DCK: variants seen among roughly 807,000 people sequenced by gnomAD.
The protein encoded by DCK is deoxycytidine kinase, also known as deoxyadenosine kinase.
DCK carries 23 observed loss-of-function variants against 38.3 expected under a neutral mutation model. That is an observed-to-expected ratio of 0.60 (90% CI 0.43 to 0.85). DCK has a LOEUF of 0.85. Among genes scored for constraint, DCK ranks in the 40% least tolerant of loss-of-function variants. The pLI, the probability that DCK is intolerant of heterozygous loss-of-function variation, is 0.00. For missense variants in DCK, 259 were observed against 304.4 expected (o/e 0.85, Z 1.11); for synonymous variants, 108 against 100.6 (o/e 1.07, Z -0.44).
intron 2 of DCK, chr4:71,006,160 GAAAA>G (rs1739937065): frequency 1.0e-5 from 1 of 96,388 alleles, no homozygotes; most frequent in Non-Finnish European, 2.1e-5. Context: ...AAGCAAATAA[GAAAA>G]AGAAAAACTA....
intron 2 of DCK, among the ~76,000 whole-genome samples, chr4:71,012,975 G>A (rs1294066644): frequency 6.6e-6 from 1 of 152,176 alleles, no homozygotes; most frequent in Non-Finnish European, 1.5e-5. Context: ...CGAGCTAAAG[G>A]AGGAAGTTCG....
rs1450116979 is a variant in DCK, at chr4:71,015,635, A to G, written c.208-6732A>G. Among the ~76,000 whole-genome samples the G allele has an allele frequency of 3.3e-5, 5 of 152,376 alleles. No individual in the cohort carries two copies. In the East Asian group the frequency reaches 9.6e-4, roughly 29 times the overall value. On this transcript the variant is annotated intron_variant, in intron 2 of 6. Coordinates refer to ENST00000286648, the MANE Select transcript of DCK (RefSeq NM_000788.3). ...GATGCAAGGCTGGTTCAGCATACGC[A>G]AATCAATAAACATAATCCAGCATAT...
intron 2 of DCK, among the ~76,000 whole-genome samples, chr4:71,016,515 G>C (rs1182751727): frequency 6.6e-6 from 1 of 152,048 alleles, no homozygotes; most frequent in Admixed American, 6.6e-5. Context: ...GAGGCATCAC[G>C]CTACCTGACT....
intron 2 of DCK, among the ~76,000 whole-genome samples, chr4:71,019,774 T>A (rs1740363203): frequency 9.8e-6 from 1 of 102,160 alleles, no homozygotes; most frequent in Non-Finnish European, 2.3e-5. Flanking sequence ...GTGGTTGATA[T>A]ACCTTTTATT....
At chr4:70,993,969 G>C in intron 1 of DCK, 43 bp downstream of exon 1, 1 of 1,373,676 alleles carries the variant, frequency 7.3e-7, no homozygotes, top group Non-Finnish European at 1.0e-6. Context: ...CTGGGGTGTC[G>C]CGGCAGTGGC....
chr4:71,014,938 A>G (rs1354917249), intron 2 of DCK, among the ~76,000 whole-genome samples: 4 of 152,304 alleles, frequency 2.6e-5, no homozygotes, highest in Non-Finnish European at 5.9e-5. Context: ...AACGGAAGGA[A>G]ATAGAGACAC....
intron 2 of DCK, among the ~76,000 whole-genome samples, chr4:71,004,810 C>G (rs1230471301): frequency 1.3e-5 from 2 of 152,162 alleles, no homozygotes; most frequent in African/African-American, 4.8e-5. Context: ...CCCCTCCCCC[C>G]ACCAAGCTTC....
At chr4:71,006,160 G>C (rs947690113) in intron 2 of DCK, 1 of 96,398 alleles carries the variant, frequency 1.0e-5, no homozygotes, top group East Asian at 3.2e-4. Flanking sequence ...AAGCAAATAA[G>C]AAAAAGAAAA....
intron 2 of DCK, among the ~76,000 whole-genome samples, chr4:71,021,978 G>A (rs1740436161): frequency 6.6e-6 from 1 of 151,962 alleles, no homozygotes; most frequent in Non-Finnish European, 1.5e-5. Context: ...CTCCAGCTGG[G>A]GCAACAGAGC....
At chr4:71,006,619 G>A (rs1045058942) in intron 2 of DCK, among the ~76,000 whole-genome samples, 3 of 152,044 alleles carry the variant, frequency 2.0e-5, no homozygotes, top group African/African-American at 7.2e-5. Flanking sequence ...ACCAGCCTGG[G>A]CAACATAGGG....
chr4:71,003,679 T>G (rs1005233405), intron 2 of DCK, among the ~76,000 whole-genome samples: 1 of 152,202 alleles, frequency 6.6e-6, no homozygotes. Flanking sequence ...TCTAATCTTA[T>G]CTTCACGCTT....
At chr4:71,022,848 C>T (rs186629166) in intron 3 of DCK, among the ~76,000 whole-genome samples, 167 of 152,248 alleles carry the variant, frequency 1.1e-3, no homozygotes, top group Non-Finnish European at 1.1e-3. Flanking sequence ...TTAAAATTCT[C>T]ATCTGCTCTG....
At chr4:71,028,164 A>C (rs1056022275) in intron 6 of DCK, among the ~76,000 whole-genome samples, 1 of 152,208 alleles carries the variant, frequency 6.6e-6, no homozygotes, top group African/African-American at 2.4e-5. Context: ...AATCTACTAC[A>C]TGTTTGATTT....
rs539528264 is a variant in DCK, at chr4:71,010,418, C to A, written c.208-11949C>A. Among the ~76,000 whole-genome samples, 7 of 151,022 alleles carry A rather than the reference C, an allele frequency of 4.6e-5. No individual in the cohort carries two copies. The South Asian group carries it at 6.3e-4, about 14-fold the overall frequency. On this transcript the variant is annotated intron_variant, in intron 2 of 6. Coordinates refer to ENST00000286648, the MANE Select transcript of DCK (RefSeq NM_000788.3). ...GGTGATTTATGTTATTATTTAGGCC[C>A]AAAGTTTTGATTTAATTGTTTCCTT...
chr4:70,994,094 C>A, intron 1 of DCK, 168 bp downstream of exon 1: 1 of 633,896 alleles, frequency 1.6e-6, no homozygotes, highest in Non-Finnish European at 2.8e-6. Flanking sequence ...CCTTCCCTTA[C>A]CTCCCGCTCC....
At chr4:71,022,615 CTTTT>C in intron 3 of DCK, 55 bp downstream of exon 3, 4 of 728,880 alleles carry the variant, frequency 5.5e-6, no homozygotes, top group Non-Finnish European at 7.5e-6. Context: ...TAGAACTGGA[CTTTT>C]TTTTTTTTTT....
Position 71,002,786 on chromosome 4 carries a change from CT to C in DCK, c.207+4612del, listed in dbSNP as rs995204670. Among the ~76,000 whole-genome samples the C allele has an allele frequency of 1.5e-3, 228 of 151,796 alleles. 1 individual carries two copies. Among genetic ancestry groups the C allele is most frequent in the African/African-American group, 5.1e-3 (212 of 41,380 alleles). On this transcript the variant is annotated intron_variant, in intron 2 of 6. Coordinates refer to ENST00000286648, the MANE Select transcript of DCK (RefSeq NM_000788.3). Reference sequence around the variant, plus strand: ...CTGAGACTAGGATTGCAACCCCTGCCTTTTTTTTGCTTTCCATTTGCTTGGT... The same window carrying C: ...CTGAGACTAGGATTGCAACCCCTGCCTTTTTTTGCTTTCCATTTGCTTGGT...
At chr4:71,006,142 A>C (rs1739935637) in intron 2 of DCK, among the ~76,000 whole-genome samples, 2 of 151,216 alleles carry the variant, frequency 1.3e-5, no homozygotes, top group South Asian at 4.2e-4. Flanking sequence ...CCAAAAAAAA[A>C]AAAAAAAAAG....
chr4:71,002,283 G>A (rs1210909070), intron 2 of DCK, among the ~76,000 whole-genome samples: 1 of 152,156 alleles, frequency 6.6e-6, no homozygotes, highest in Non-Finnish European at 1.5e-5. Context: ...AGTTTTGAGT[G>A]AGTTTCTTAA....
Sources: gnomAD v4.1 joint callset for allele counts (sites outside exome capture counted in the v4.1 genomes callset) on GRCh38, gnomAD v4.1.1 for gene constraint, MANE v1.5 for transcripts, NCBI Gene and HGNC (gene_info 2026-07-23, HGNC 2026-07-21) for gene names.